Variants in FASTKD2 observed in about 807,000 individuals in gnomAD.
FASTKD2 encodes FAST kinase domain-containing protein 2, mitochondrial.
FASTKD2 carries 51 observed loss-of-function variants against 63.6 expected under a neutral mutation model. That is an observed-to-expected ratio of 0.80 (90% CI 0.64 to 1.01). The LOEUF (loss-of-function observed/expected upper bound fraction) is 1.01, where lower values mean the gene tolerates loss of function less well. Ranked by LOEUF, FASTKD2 falls within the 50% of genes least tolerant of loss-of-function variation. The pLI, the probability that FASTKD2 is intolerant of heterozygous loss-of-function variation, is 0.00. For missense variants in FASTKD2, 786 were observed against 831.1 expected, an observed-to-expected ratio of 0.95 and a Z score of 0.67; for synonymous variants, 284 against 293.4, an observed-to-expected ratio of 0.97 and a Z score of 0.33.
At chr2:206,787,777 A>G (rs563477165) in intron 8 of FASTKD2, among the ~76,000 whole-genome samples, 160 bp from the exon 9 acceptor site, 1 of 152,250 alleles carries the variant, frequency 6.6e-6, no homozygotes, top group South Asian at 2.1e-4. Flanking sequence ...CCAGGGAGAC[A>G]AAGAGAGAGT....
chr2:206,788,277 C>A, intron 9 of FASTKD2, 122 bp downstream of exon 9: 1 of 646,272 alleles, frequency 1.5e-6, no homozygotes, highest in Non-Finnish European at 2.7e-6. Context: ...TGGAACTGGC[C>A]TGATTCTTGC....
At chr2:206,776,383 C>T (rs2105977386) in intron 7 of FASTKD2, among the ~76,000 whole-genome samples, 1 of 151,694 alleles carries the variant, frequency 6.6e-6, no homozygotes, top group Admixed American at 6.6e-5. Context: ...TATAGTTCTC[C>T]TTGTCTGTAT....
In FASTKD2 at chr2:206,792,840, T is replaced by C. The variant is rs1325657290; in HGVS notation, c.*1038T>C. 3.3e-5 allele frequency among the ~76,000 whole-genome samples: 5 copies of C among 152,170 alleles called. No individual in the cohort carries two copies. The highest frequency in any genetic ancestry group is 6.5e-5 in the Admixed American group (1 of 15,290). On this transcript the variant is annotated 3_prime_UTR_variant, in exon 12 of 12. Transcript: ENST00000402774. ...TTCTCTCTGTGTCTTCACTTCCTCA[T>C]CTCTAAAATCAGGATAGGTATTTGC...
chr2:206,777,345 T>C (rs1429735656), intron 7 of FASTKD2, among the ~76,000 whole-genome samples: 2 of 152,120 alleles, frequency 1.3e-5, no homozygotes, highest in Non-Finnish European at 2.9e-5. Context: ...GAGGCACATT[T>C]CTTCTATACC....
chr2:206,766,890 A>G lies in FASTKD2; in HGVS notation c.197A>G (p.Asn66Ser), dbSNP rs755873619. Residue 66 changes from asparagine (N) to serine (S), a missense_variant, in exon 2 of 12, where the codon AAC becomes AGC. By Grantham distance (46) the Asn-to-Ser change is conservative. Transcript: ENST00000402774. Reference sequence around the variant, plus strand: ...TGGAACATTTTAAATAACTTTCATAACAGAATGCAATCAACTGATATCATT... The same window carrying G: ...TGGAACATTTTAAATAACTTTCATAGCAGAATGCAATCAACTGATATCATT... ...SNWNILNNFH[N>S]RMQSTDIIRY... 3 of 1,599,048 alleles carry G rather than the reference A, an allele frequency of 1.9e-6. No individual in the cohort carries two copies. Among genetic ancestry groups the G allele is most frequent in the Admixed American group, 3.5e-5 (2 of 57,560 alleles).
chr2:206,787,599 T>C lies in FASTKD2; in HGVS notation c.1595-338T>C, dbSNP rs184867984. ...ATAATGGAGAAACAGCCTTGAACCT[T>C]GGAAACCTGGATTCTAGTTCCAACT... On this transcript the variant is annotated intron_variant, in intron 8 of 11. Coordinates refer to ENST00000402774, the MANE Select transcript of FASTKD2 (RefSeq NM_001136193.2). Among the ~76,000 whole-genome samples, 348 of 152,316 alleles carry C rather than the reference T, an allele frequency of 2.3e-3. 2 individuals carry two copies. The highest frequency in any genetic ancestry group is 7.9e-3 in the African/African-American group (328 of 41,570).
At chr2:206,780,266 T>A (rs1267714136) in intron 7 of FASTKD2, among the ~76,000 whole-genome samples, 1 of 152,224 alleles carries the variant, frequency 6.6e-6, no homozygotes, top group Admixed American at 6.5e-5. Context: ...TTCACCTGTC[T>A]TTAGCGTTTA....
At chr2:206,786,130 T>C (rs568115811) in intron 7 of FASTKD2, among the ~76,000 whole-genome samples, 3 of 152,378 alleles carry the variant, frequency 2.0e-5, no homozygotes, top group African/African-American at 7.2e-5. Flanking sequence ...TCAAAGGGTA[T>C]CTACCATTTA....
intron 9 of FASTKD2, 101 bp from the exon 10 acceptor site, chr2:206,788,718 C>T (rs1410246181): frequency 5.9e-5 from 38 of 643,512 alleles, no homozygotes; most frequent in Middle Eastern, 8.5e-4. Flanking sequence ...GATGACAGAG[C>T]GAGACCACAT....
intron 7 of FASTKD2, among the ~76,000 whole-genome samples, chr2:206,779,655 C>A (rs1025440611): frequency 1.3e-5 from 2 of 152,212 alleles, no homozygotes; most frequent in African/African-American, 2.4e-5. Flanking sequence ...CAACAGGTCT[C>A]TCCCTTAATA....
intron 6 of FASTKD2, 43 bp downstream of exon 6, chr2:206,772,363 A>G: frequency 6.4e-7 from 1 of 1,560,576 alleles, no homozygotes; most frequent in Non-Finnish European, 8.8e-7. Flanking sequence ...CAAACTTTTA[A>G]AACACTAATT....
chr2:206,767,476 A>AT lies in FASTKD2; in HGVS notation c.777+7dup, dbSNP rs776313947. ...CTTTGCTGAGGGTGACCCAGGTAAA[A>AT]TAAAAAGGAGATTTAAACATGCATT... On this transcript the variant is annotated splice_region_variant and intron_variant, in intron 2 of 11. Coordinates refer to ENST00000402774, the MANE Select transcript of FASTKD2 (RefSeq NM_001136193.2). The AT allele has an allele frequency of 3.0e-5, 48 of 1,604,828 alleles. No homozygotes were observed. The highest frequency in any genetic ancestry group is 3.9e-5 in the Non-Finnish European group (46 of 1,177,862).
rs1690389280 is a variant in FASTKD2 at position 206,794,528 on chromosome 2, G to A, written c.*2726G>A. 6.6e-6 allele frequency among the ~76,000 whole-genome samples: 1 copy of A among 152,076 alleles called. No individual in the cohort carries two copies. The highest frequency in any genetic ancestry group is 2.4e-5 in the African/African-American group (1 of 41,416). ...GTAGATAGGACTGATTATAGGTACA[G>A]GCTACTGTGCCCAGCTCAATTCTTG... On this transcript the variant is annotated 3_prime_UTR_variant, in exon 12 of 12. Transcript: ENST00000402774.
rs920813922 is a variant in FASTKD2, at chr2:206,794,858, A to G, written c.*3056A>G. Among the ~76,000 whole-genome samples, 4 of 152,214 alleles carry G rather than the reference A, an allele frequency of 2.6e-5. No homozygotes were observed. The highest frequency in any genetic ancestry group is 7.2e-5 in the African/African-American group (3 of 41,452). On this transcript the variant is annotated 3_prime_UTR_variant, in exon 12 of 12. Transcript: ENST00000402774. ...GGTAGTCACCCTGCAACTGGCTTGG[A>G]CATCTCTAAGCAAATAGAAGTTTCT...
At position 206,793,876 on chromosome 2, in the gene FASTKD2, C is replaced by CAGA. The variant is rs2105991739; in HGVS notation, c.*2078_*2080dup. Among the ~76,000 whole-genome samples the CAGA allele has an allele frequency of 6.6e-6, 1 of 152,238 alleles. No homozygotes were observed. Among genetic ancestry groups the CAGA allele is most frequent in the African/African-American group, 2.4e-5 (1 of 41,538 alleles). ...ACTTGTAAAGACATGCACATTGAAA[C>CAGA]AGAAGAGATGGTTTTGCCTTTCAAA... On this transcript the variant is annotated 3_prime_UTR_variant, in exon 12 of 12. Coordinates refer to ENST00000402774, the MANE Select transcript of FASTKD2 (RefSeq NM_001136193.2).
chr2:206,789,875 TA>T (rs1332854446), intron 10 of FASTKD2: 13 of 152,218 alleles, frequency 8.5e-5, no homozygotes, highest in African/African-American at 3.1e-4. Flanking sequence ...GTTCTCAGCA[TA>T]AAGTCATGAG....
intron 7 of FASTKD2, among the ~76,000 whole-genome samples, chr2:206,777,720 G>A (rs977438108): frequency 2.0e-5 from 3 of 152,246 alleles, no homozygotes; most frequent in Non-Finnish European, 4.4e-5. Flanking sequence ...CACATTAGAA[G>A]TATTGTTAAT....
rs1050729403 is a variant in FASTKD2, at chr2:206,794,032, A to T, written c.*2230A>T. 6.6e-6 allele frequency among the ~76,000 whole-genome samples: 1 copy of T among 152,198 alleles called. No individual in the cohort carries two copies. On this transcript the variant is annotated 3_prime_UTR_variant, in exon 12 of 12. Transcript: ENST00000402774. ...GTACTTTGTGGGGTTTTCTTCTCCC[A>T]TAATTTAAAAAATAGCTTTATTATA...
chr2:206,771,902 C>T lies in FASTKD2; in HGVS notation c.999C>T (p.Ala333=), dbSNP rs1191297892. Reference sequence around the variant, plus strand: ...ATTTGTTTTTTCTTTAGATGAAAGCCTTGAGGGAATTAGACAGATTTTCTG... The same window carrying T: ...ATTTGTTTTTTCTTTAGATGAAAGCTTTGAGGGAATTAGACAGATTTTCTG... ...IALKRKLEMK[A]LRELDRFSVL... Residue 333 remains alanine, a synonymous_variant, in exon 5 of 12, where the codon GCC becomes GCT. Transcript: ENST00000402774. 1.9e-6 allele frequency: 3 copies of T among 1,602,440 alleles called. No individual in the cohort carries two copies. The highest frequency in any genetic ancestry group is 1.3e-5 in the African/African-American group (1 of 74,544).
Sources: gnomAD v4.1 joint callset for allele counts (sites outside exome capture counted in the v4.1 genomes callset) on GRCh38, gnomAD v4.1.1 for gene constraint, MANE v1.5 for transcripts, NCBI Gene and HGNC (gene_info 2026-07-23, HGNC 2026-07-21) for gene names.